TMPO: variants seen among roughly 807,000 people sequenced by gnomAD.
The protein encoded by TMPO is thymopoietin.
TMPO carries 22 observed loss-of-function variants against 45.4 expected under a neutral mutation model. The ratio of observed to expected loss-of-function variants is 0.48; its 90% CI spans 0.35 to 0.69. TMPO has a LOEUF of 0.69. Among genes scored for constraint, TMPO ranks in the 30% least tolerant of loss-of-function variants. The pLI is 0.01. For synonymous variants in TMPO, 241 were observed against 204.1 expected, an observed-to-expected ratio of 1.18 and a Z score of -1.54; for missense variants, 512 against 548.8, an observed-to-expected ratio of 0.93 and a Z score of 0.67.
chr12:98,544,390 G>A, intron 5 of TMPO, 41 bp downstream of exon 5: 1 of 1,613,396 alleles, frequency 6.2e-7, no homozygotes, highest in African/African-American at 1.3e-5. Context: ...GATTTGTAGG[G>A]TTTTAGTATT....
chr12:98,546,018 C>G (rs1878208990), intron 7 of TMPO, among the ~76,000 whole-genome samples: 1 of 152,206 alleles, frequency 6.6e-6, no homozygotes, highest in South Asian at 2.1e-4. Context: ...CAGGCGTGAG[C>G]CACCGTACCC....
In TMPO at chr12:98,533,220, C is replaced by T. The variant is rs2121204053; in HGVS notation, c.565+1382C>T. The T allele has an allele frequency of 6.2e-7, 1 of 1,613,998 alleles. No individual in the cohort carries two copies. Among genetic ancestry groups the T allele is most frequent in the Admixed American group, 1.7e-5 (1 of 60,032 alleles). On this transcript the variant is annotated intron_variant, in intron 3 of 8. Coordinates refer to ENST00000556029, the MANE Select transcript of TMPO (RefSeq NM_001032283.3). The stretch of plus-strand genomic sequence containing the variant: ...TGATTAAAGAAACCACCACTGGTTA[C>T]TATAAAGACATAGTAGAAAATATTT...
Position 98,516,056 on chromosome 12 carries a change from G to A in TMPO, c.189G>A (p.Pro63=), listed in dbSNP as rs780907463. 10 of 1,610,300 alleles carry A rather than the reference G, an allele frequency of 6.2e-6. No individual in the cohort carries two copies. The highest frequency in any genetic ancestry group is 2.2e-5 in the South Asian group (2 of 90,960). The part of the protein sequence containing the change: ...LPAGTNSKGP[P]DFSSDEEREP... ...CCGGCACCAACAGCAAGGGGCCCCC[G>A]GACTTCTCCAGTGACGAAGAGCGCG... The change falls in exon 1 of 9, where the codon CCG becomes CCA. Residue 63 remains proline (P), a synonymous_variant. Coordinates refer to ENST00000556029, the MANE Select transcript of TMPO (RefSeq NM_001032283.3).
At chr12:98,535,708 T>C (rs1592948521) in intron 3 of TMPO, 1 of 955,994 alleles carries the variant, frequency 1.0e-6, no homozygotes. Flanking sequence ...TATTTGTATA[T>C]GAACACCCCT....
intron 2 of TMPO, among the ~76,000 whole-genome samples, chr12:98,531,375 C>A (rs1877179863): frequency 6.6e-6 from 1 of 150,864 alleles, no homozygotes; most frequent in African/African-American, 2.4e-5. Flanking sequence ...TAGCTGGGAT[C>A]ACAGGCGTGT....
rs1048678721 is a variant in TMPO, at chr12:98,544,637, T to TG, written c.879+101dup. ...AATTTTGGCAAATCTCAAATTTACA[T>TG]GTTTTTTTTTTTTAACAATTTTAAA... On this transcript the variant is annotated intron_variant, in intron 6 of 8. Coordinates refer to ENST00000556029, the MANE Select transcript of TMPO (RefSeq NM_001032283.3). 2.2e-5 allele frequency: 21 copies of TG among 946,268 alleles called. No homozygotes were observed. The African/African-American group carries it at 4.3e-4, about 19-fold the overall frequency. The allele number at this position is 946,268 out of a possible 1,614,324, so 58.6% of individuals were successfully genotyped here. A position where few individuals can be genotyped will look rare whatever the true frequency, so the allele number is the denominator to read the frequency against.
At chr12:98,546,045 C>T (rs1878210795) in intron 7 of TMPO, among the ~76,000 whole-genome samples, 2 of 152,128 alleles carry the variant, frequency 1.3e-5, no homozygotes, top group Admixed American at 1.3e-4. Flanking sequence ...ACAATATACT[C>T]TTAATAGTAA....
In TMPO at chr12:98,549,347, A is replaced by AGAC. The variant is rs1181793875; in HGVS notation, c.*1491_*1493dup. 1 of 152,202 alleles carries AGAC rather than the reference A, an allele frequency of 6.6e-6. No individual in the cohort carries two copies. The highest frequency in any genetic ancestry group is 6.6e-5 in the Admixed American group (1 of 15,266). 9.4% of individuals were successfully genotyped at this position (152,202 alleles called of 1,614,324 possible). A position where few individuals can be genotyped will look rare whatever the true frequency, so the allele number is the denominator to read the frequency against. Reference sequence around the variant, plus strand: ...TCAAGCAATTTTCCTGCCTCGGCAGAGACGGGGTTTCACCATGTTGGCCAG... The same window carrying AGAC: ...TCAAGCAATTTTCCTGCCTCGGCAGAGACGACGGGGTTTCACCATGTTGGCCAG... On this transcript the variant is annotated 3_prime_UTR_variant, in exon 9 of 9. Coordinates refer to ENST00000556029, the MANE Select transcript of TMPO (RefSeq NM_001032283.3).
chr12:98,535,758 G>A, intron 3 of TMPO: 1 of 693,846 alleles, frequency 1.4e-6, no homozygotes, highest in Non-Finnish European at 1.8e-6. Context: ...ACATTTCAGT[G>A]GTATAATTGA....
intron 1 of TMPO, among the ~76,000 whole-genome samples, chr12:98,519,244 C>T (rs1264570513): frequency 6.6e-6 from 1 of 151,696 alleles, no homozygotes; most frequent in Non-Finnish European, 1.5e-5. Context: ...GACGGAGTCT[C>T]CATTGCCCAG....
intron 1 of TMPO, among the ~76,000 whole-genome samples, chr12:98,518,720 T>A (rs950036813): frequency 6.6e-6 from 1 of 150,922 alleles, no homozygotes; most frequent in African/African-American, 2.5e-5. Flanking sequence ...AAAAATTTTT[T>A]AATTAAGATT....
rs778243341 is a variant in TMPO at position 98,531,855 on chromosome 12, T to C, written c.565+17T>C. The C allele has an allele frequency of 1.2e-6, 2 of 1,606,012 alleles. No homozygotes were observed. Among genetic ancestry groups the C allele is most frequent in the African/African-American group, 2.7e-5 (2 of 74,592 alleles). ...ATGAAGAAGGTAAAATTTTAAATGA[T>C]GTTAATCAAATGTATGGAATTTTTT... On this transcript the variant is annotated intron_variant, in intron 3 of 8. Transcript: ENST00000556029.
intron 6 of TMPO, 158 bp downstream of exon 6, chr12:98,544,695 ATT>A (rs1878117661): frequency 1.5e-6 from 1 of 681,148 alleles, no homozygotes; most frequent in African/African-American, 1.8e-5. Context: ...GAATTTTAGA[ATT>A]TTCCTATAAT....
At position 98,547,569 on chromosome 12, in the gene TMPO, A is replaced by G; in HGVS notation, c.1080-4A>G. 3.7e-6 allele frequency: 6 copies of G among 1,614,072 alleles called. No individual in the cohort carries two copies. The highest frequency in any genetic ancestry group is 4.2e-6 in the Non-Finnish European group (5 of 1,179,966). ...TTTTCTTTTCCTCCTTTCACTCCCA[A>G]CAGTGCTAGTTGCCGCAGACCAATC... is the stretch of plus-strand genomic sequence containing the variant. On this transcript the variant is annotated splice_region_variant and splice_polypyrimidine_tract_variant and intron_variant, in intron 8 of 8. Coordinates refer to ENST00000556029, the MANE Select transcript of TMPO (RefSeq NM_001032283.3).
chr12:98,516,239 C>T (rs1875798650), intron 1 of TMPO, 93 bp downstream of exon 1: 4 of 1,304,138 alleles, frequency 3.1e-6, no homozygotes, highest in Non-Finnish European at 3.9e-6. Flanking sequence ...CCGGGCGCCC[C>T]CTCGGGCCTC....
At chr12:98,531,883 C>G (rs1159664919) in intron 3 of TMPO, 45 bp downstream of exon 3, 12 of 1,545,656 alleles carry the variant, frequency 7.8e-6, no homozygotes, top group Non-Finnish European at 1.1e-5. Flanking sequence ...AATTTTTTCA[C>G]ACTCAAAATT....
At chr12:98,538,870 A>T (rs537334482) in intron 4 of TMPO, among the ~76,000 whole-genome samples, 1 of 152,278 alleles carries the variant, frequency 6.6e-6, no homozygotes, top group South Asian at 2.1e-4. Flanking sequence ...CCTTTTATGT[A>T]GTAGTCCTAA....
Position 98,547,778 on chromosome 12 carries a change from T to C in TMPO, c.1285T>C (p.Leu429=). ...TGTTGTTGTGGCAGTTTTTTTGTTTTTGGTCTATCAAGCTATGGAAACCAA... is the reference window on the plus strand; with the variant it reads ...TGTTGTTGTGGCAGTTTTTTTGTTTCTGGTCTATCAAGCTATGGAAACCAA... The part of the protein sequence containing the change: ...LFVVVAVFLF[L]VYQAMETNQV... Residue 429 remains leucine (L), a synonymous_variant, in exon 9 of 9, where the codon TTG becomes CTG. Coordinates refer to ENST00000556029, the MANE Select transcript of TMPO (RefSeq NM_001032283.3). The C allele has an allele frequency of 6.2e-7, 1 of 1,614,194 alleles. No individual in the cohort carries two copies. Among genetic ancestry groups the C allele is most frequent in the Non-Finnish European group, 8.5e-7 (1 of 1,180,042 alleles).
At chr12:98,529,005 T>A (rs1876990071) in intron 2 of TMPO, among the ~76,000 whole-genome samples, 1 of 151,314 alleles carries the variant, frequency 6.6e-6, no homozygotes, top group African/African-American at 2.4e-5. Flanking sequence ...AGTGAGTTAG[T>A]GACAGACTTC....
Sources: allele counts gnomAD v4.1 joint callset (sites outside exome capture counted in the v4.1 genomes callset), GRCh38; gene constraint gnomAD v4.1.1; transcripts MANE v1.5; gene names NCBI Gene and HGNC (gene_info 2026-07-23, HGNC 2026-07-21).